NPTN: variants seen among roughly 807,000 people sequenced by gnomAD.
The protein encoded by NPTN is SDR-1.
Under a neutral mutation model 42.7 loss-of-function variants are expected in NPTN, and 5 were observed. The observed-to-expected ratio is 0.12, with a 90% CI of 0.06 to 0.25. NPTN has a LOEUF of 0.25. Ranked by LOEUF, NPTN falls within the 10% of genes least tolerant of loss-of-function variation. NPTN has a pLI of 1.00. For missense variants in NPTN, 307 were observed against 525.4 expected, an observed-to-expected ratio of 0.58 and a Z score of 4.06; for synonymous variants, 180 against 201.9, an observed-to-expected ratio of 0.89 and a Z score of 0.92.
rs113210731 is a variant in NPTN, at chr15:73,633,336, G to C, written c.-121C>G. 6.5e-5 allele frequency: 46 copies of C among 711,310 alleles called. No individual in the cohort carries two copies. Among genetic ancestry groups the C allele is most frequent in the Non-Finnish European group, 9.1e-5 (43 of 471,444 alleles). The allele number at this position is 711,310 out of a possible 1,614,324, so 44.1% of individuals were successfully genotyped here. On this transcript the variant is annotated 5_prime_UTR_variant, in exon 1 of 9. Coordinates refer to ENST00000345330, the MANE Select transcript of NPTN (RefSeq NM_012428.4). ...GGGAGTGAGCGAGGGAGGCAGCCGC[G>C]GCTCGGCTCCGTCCTTCCCCGTCCT...
intron 1 of NPTN, among the ~76,000 whole-genome samples, chr15:73,609,304 G>A (rs866274732): frequency 6.6e-6 from 1 of 152,132 alleles, no homozygotes; most frequent in Non-Finnish European, 1.5e-5. Flanking sequence ...ATTAGACTTC[G>A]CTTGAGTAGA....
At chr15:73,586,597 A>C (rs1026770948) in intron 4 of NPTN, among the ~76,000 whole-genome samples, 1 of 152,306 alleles carries the variant, frequency 6.6e-6, no homozygotes. Flanking sequence ...TAACCTTCCA[A>C]ATATTTTAGG....
At position 73,585,502 on chromosome 15, in the gene NPTN, C is replaced by T. The variant is rs138996120; in HGVS notation, c.706+2022G>A. 1.3e-3 allele frequency among the ~76,000 whole-genome samples: 202 copies of T among 152,310 alleles called. 2 individuals carry two copies. Among genetic ancestry groups the T allele is most frequent in the African/African-American group, 4.5e-3 (188 of 41,578 alleles). ...ATATGATCCTGGGCCTATGGCAAAC[C>T]TTTTAAAACTTATACAGAAAAAGCG... is the stretch of plus-strand genomic sequence containing the variant. On this transcript the variant is annotated intron_variant, in intron 4 of 8. Transcript: ENST00000345330.
intron 1 of NPTN, among the ~76,000 whole-genome samples, chr15:73,628,377 T>A (rs1898539426): frequency 6.6e-6 from 1 of 152,218 alleles, no homozygotes; most frequent in Non-Finnish European, 1.5e-5. Context: ...CTACTTCTGA[T>A]CCTGTCCAGA....
chr15:73,562,617 G>T (rs531667152), intron 7 of NPTN, among the ~76,000 whole-genome samples: 2 of 152,132 alleles, frequency 1.3e-5, no homozygotes, highest in Non-Finnish European at 2.9e-5. Flanking sequence ...AGATTCTGCC[G>T]ATCTTAGATT....
intron 1 of NPTN, among the ~76,000 whole-genome samples, chr15:73,613,765 A>C (rs1411513187): frequency 1.3e-5 from 2 of 152,008 alleles, no homozygotes; most frequent in African/African-American, 2.4e-5. Context: ...AGCTCACTGC[A>C]ACCTCTGCCT....
intron 4 of NPTN, among the ~76,000 whole-genome samples, chr15:73,586,587 T>C (rs182700189): frequency 1.3e-5 from 2 of 152,348 alleles, no homozygotes; most frequent in African/African-American, 4.8e-5. Context: ...TCTGCATTTT[T>C]AACCTTCCAA....
intron 7 of NPTN, among the ~76,000 whole-genome samples, chr15:73,562,897 G>C (rs1894766830): frequency 1.3e-5 from 2 of 151,872 alleles, no homozygotes. Context: ...AAATGCTTGG[G>C]ATCAGAAACG....
intron 1 of NPTN, among the ~76,000 whole-genome samples, chr15:73,615,695 A>G (rs1006690289): frequency 1.3e-5 from 2 of 152,210 alleles, no homozygotes; most frequent in South Asian, 2.1e-4. Flanking sequence ...CAAAAAGTCT[A>G]TGTGGGCCTA....
intron 3 of NPTN, among the ~76,000 whole-genome samples, chr15:73,590,872 C>T (rs1009116744): frequency 2.0e-5 from 3 of 151,852 alleles, no homozygotes; most frequent in Non-Finnish European, 4.4e-5. Flanking sequence ...CCTTTCCAAA[C>T]TATGAGGAAA....
At chr15:73,575,231 C>T (rs150661874) in intron 4 of NPTN, among the ~76,000 whole-genome samples, 2 of 152,344 alleles carry the variant, frequency 1.3e-5, no homozygotes, top group African/African-American at 2.4e-5. Context: ...GTTCTGCCCG[C>T]GTTGGCCTCC....
chr15:73,576,499 T>C (rs1039192778), intron 4 of NPTN, among the ~76,000 whole-genome samples: 3 of 152,122 alleles, frequency 2.0e-5, no homozygotes, highest in Admixed American at 6.5e-5. Context: ...TGGCTAATTT[T>C]TGTATTTTTA....
At chr15:73,567,275 TTGA>T in intron 6 of NPTN, 1 of 985,366 alleles carries the variant, frequency 1.0e-6, no homozygotes. Flanking sequence ...TGGGTGTATC[TTGA>T]TAATAAAGTG....
chr15:73,631,832 C>T (rs1339294895), intron 1 of NPTN, among the ~76,000 whole-genome samples: 1 of 152,210 alleles, frequency 6.6e-6, no homozygotes, highest in African/African-American at 2.4e-5. Flanking sequence ...ATCAATTCAG[C>T]AGCTGAATGC....
chr15:73,608,629 A>ATTCTAAAATAAGCAGC (rs11275002), intron 1 of NPTN, among the ~76,000 whole-genome samples: 24,823 of 152,200 alleles, frequency 0.16, 3,133 homozygotes, highest in African/African-American at 0.35. Flanking sequence ...TGAAGAGCAT[A>ATTCTAAAATAAGCAGC]TTGGGCTTCT....
At chr15:73,561,794 AATATCTT>A (rs1374651848) in intron 8 of NPTN, 95 bp downstream of exon 8, 12 of 897,974 alleles carry the variant, frequency 1.3e-5, no homozygotes, top group Non-Finnish European at 2.2e-5. Context: ...AATGAACTAA[AATATCTT>A]ATAACACCAA....
At chr15:73,575,194 G>T (rs1895620084) in intron 4 of NPTN, among the ~76,000 whole-genome samples, 1 of 152,208 alleles carries the variant, frequency 6.6e-6, no homozygotes, top group Non-Finnish European at 1.5e-5. Flanking sequence ...TGTTGGTCAG[G>T]CTGGTCTTGA....
intron 1 of NPTN, 128 bp downstream of exon 1, chr15:73,632,997 C>T (rs1898844363): frequency 7.9e-6 from 5 of 636,242 alleles, no homozygotes; most frequent in Non-Finnish European, 1.2e-5. Context: ...CTCTCGGACC[C>T]GCAGCCCCTC....
intron 1 of NPTN, among the ~76,000 whole-genome samples, chr15:73,615,251 T>C (rs1239379766): frequency 1.3e-5 from 2 of 150,322 alleles, no homozygotes; most frequent in Non-Finnish European, 3.0e-5. Context: ...TCTTAAAAAA[T>C]AAAAAAGAAC....
Sources: allele counts gnomAD v4.1 joint callset (sites outside exome capture counted in the v4.1 genomes callset), GRCh38; gene constraint gnomAD v4.1.1; transcripts MANE v1.5; gene names NCBI Gene and HGNC (gene_info 2026-07-23, HGNC 2026-07-21).